The following ARPC3 variants were observed in gnomAD, a reference collection of about 807,000 sequenced individuals.
ARPC3 encodes the protein actin-related protein 2/3 complex subunit 3.
Under a neutral mutation model 27.6 loss-of-function variants are expected in ARPC3, and 12 were observed. The ratio of observed to expected loss-of-function variants is 0.43; its 90% confidence interval spans 0.28 to 0.70. The LOEUF (loss-of-function observed/expected upper bound fraction) is 0.70, where lower values mean the gene tolerates loss of function less well. Among genes scored for constraint, ARPC3 ranks in the 30% least tolerant of loss-of-function variants. The probability of loss-of-function intolerance (pLI) is 0.17; values close to 1 mark genes in which losing one functional copy is unlikely to be tolerated. For missense variants in ARPC3, 153 were observed against 207.7 expected (o/e 0.74, Z 1.62); for synonymous variants, 53 against 67.2 (o/e 0.79, Z 1.03).
At chr12:110,448,948 G>T (rs1055299933) in intron 1 of ARPC3, among the ~76,000 whole-genome samples, 10 of 151,716 alleles carry the variant, frequency 6.6e-5, no homozygotes, top group Admixed American at 5.9e-4. Context: ...GCTAATTTTT[G>T]TATTTTTAGT....
chr12:110,448,977 T>G (rs191249321), intron 1 of ARPC3, among the ~76,000 whole-genome samples: 204 of 151,844 alleles, frequency 1.3e-3, no homozygotes, highest in African/African-American at 4.4e-3. Context: ...GGTTTCACCA[T>G]GTTGGCCAGG....
intron 1 of ARPC3, among the ~76,000 whole-genome samples, chr12:110,447,721 C>T (rs1295111719): frequency 6.6e-6 from 1 of 151,864 alleles, no homozygotes; most frequent in Non-Finnish European, 1.5e-5. Context: ...TGCAGTGAGC[C>T]GAGATGGCAC....
chr12:110,437,266 C>G, intron 3 of ARPC3, 114 bp from the exon 4 acceptor site: 1 of 754,202 alleles, frequency 1.3e-6, no homozygotes, highest in Non-Finnish European at 2.4e-6. Context: ...GGTAGGACAG[C>G]CACTATCACA....
intron 6 of ARPC3, among the ~76,000 whole-genome samples, chr12:110,435,453 C>T (rs1420898919): frequency 2.0e-5 from 3 of 151,804 alleles, no homozygotes; most frequent in Non-Finnish European, 4.4e-5. Flanking sequence ...CCTTAGCCTC[C>T]CCAGTAGCTG....
intron 1 of ARPC3, among the ~76,000 whole-genome samples, chr12:110,447,796 CT>C (rs1426506653): frequency 2.0e-5 from 3 of 151,672 alleles, no homozygotes; most frequent in African/African-American, 7.3e-5. Flanking sequence ...AAACAAACCC[CT>C]CCCCCCAAAA....
intron 3 of ARPC3, among the ~76,000 whole-genome samples, chr12:110,438,060 T>C (rs1451664560): frequency 1.4e-5 from 2 of 147,930 alleles, no homozygotes; most frequent in South Asian, 2.2e-4. Flanking sequence ...CTTTGGGAGG[T>C]TGAGGTGGGT....
rs1269102801 is a variant in ARPC3 at position 110,434,957 on chromosome 12, G to A, written c.*198C>T. ...ATTCTTATTAAGCGCCAGCTTTAAT[G>A]CTGCAGAAAATTTCAAATCACCCTT... On this transcript the variant is annotated 3_prime_UTR_variant, in exon 7 of 7. Transcript: ENST00000228825. 5.6e-6 allele frequency: 4 copies of A among 710,258 alleles called. No individual in the cohort carries two copies. Among genetic ancestry groups the A allele is most frequent in the Non-Finnish European group, 1.0e-5 (4 of 381,868 alleles). The allele number at this position is 710,258 out of a possible 1,614,324, so 44.0% of individuals were successfully genotyped here. A position where few individuals can be genotyped will look rare whatever the true frequency, so the allele number is the denominator to read the frequency against.
chr12:110,436,431 A>C, intron 5 of ARPC3, 126 bp downstream of exon 5: 1 of 1,484,322 alleles, frequency 6.7e-7, no homozygotes, highest in East Asian at 2.3e-5. Context: ...CTAATAAGAT[A>C]ATGTACTTCC....
chr12:110,441,802 G>A (rs2062438981), intron 2 of ARPC3, among the ~76,000 whole-genome samples: 1 of 151,814 alleles, frequency 6.6e-6, no homozygotes, highest in Non-Finnish European at 1.5e-5. Flanking sequence ...AGGCCGAGAC[G>A]GGTGGATCAC....
At chr12:110,436,262 T>A in intron 5 of ARPC3, 58 bp from the exon 6 acceptor site, 4 of 1,391,340 alleles carry the variant, frequency 2.9e-6, no homozygotes, top group Non-Finnish European at 3.1e-6. Context: ...AATGTACTGG[T>A]TGCAGCTCTG....
chr12:110,445,703 G>A (rs2062460890), intron 1 of ARPC3, 152 bp from the exon 2 acceptor site: 1 of 676,074 alleles, frequency 1.5e-6, no homozygotes, highest in Non-Finnish European at 2.7e-6. Context: ...GCGAGGGCTG[G>A]TTCTTTCTGG....
intron 2 of ARPC3, 52 bp from the exon 3 acceptor site, chr12:110,440,440 C>CCTTTTT: frequency 2.5e-6 from 3 of 1,221,754 alleles, no homozygotes. Context: ...AAATACAAAA[C>CCTTTTT]ATAACAACTA....
At chr12:110,449,775 G>T (rs1024090840) in intron 1 of ARPC3, among the ~76,000 whole-genome samples, 30 of 152,146 alleles carry the variant, frequency 2.0e-4, no homozygotes, top group African/African-American at 7.0e-4. Context: ...GAGTCTGTGA[G>T]GGCCCTAAAC....
At chr12:110,436,407 G>A (rs1209365576) in intron 5 of ARPC3, 150 bp downstream of exon 5, 27 of 1,380,812 alleles carry the variant, frequency 2.0e-5, no homozygotes, top group East Asian at 6.9e-5. Context: ...GCCAAGAATC[G>A]TTTGTGAGAG....
At chr12:110,447,508 C>T (rs1360625071) in intron 1 of ARPC3, among the ~76,000 whole-genome samples, 2 of 152,174 alleles carry the variant, frequency 1.3e-5, no homozygotes, top group African/African-American at 4.8e-5. Context: ...GGCGGGGTGG[C>T]TCACGCCTGT....
chr12:110,439,536 G>T (rs2062424377), intron 3 of ARPC3, among the ~76,000 whole-genome samples: 2 of 152,006 alleles, frequency 1.3e-5, no homozygotes, highest in Non-Finnish European at 2.9e-5. Flanking sequence ...AGGAGGGGCT[G>T]AAATTCCATT....
intron 1 of ARPC3, among the ~76,000 whole-genome samples, chr12:110,449,508 G>A (rs2135507271): frequency 6.6e-6 from 1 of 152,250 alleles, no homozygotes; most frequent in East Asian, 1.9e-4. Context: ...GTTGTAGTGA[G>A]CCGAGATCGC....
At chr12:110,447,095 C>T (rs1020730891) in intron 1 of ARPC3, among the ~76,000 whole-genome samples, 1 of 152,140 alleles carries the variant, frequency 6.6e-6, no homozygotes. Flanking sequence ...GGTACCCAGC[C>T]CCCAGCTAAA....
At chr12:110,450,057 C>A (rs1216336261) in intron 1 of ARPC3, among the ~76,000 whole-genome samples, 198 bp downstream of exon 1, 5 of 152,188 alleles carry the variant, frequency 3.3e-5, no homozygotes, top group Non-Finnish European at 7.3e-5. Flanking sequence ...CCACTCCTGC[C>A]GCGCCCCCGC....
Sources: allele counts gnomAD v4.1 joint callset (sites outside exome capture counted in the v4.1 genomes callset), GRCh38; gene constraint gnomAD v4.1.1; transcripts MANE v1.5; gene names NCBI Gene and HGNC (gene_info 2026-07-23, HGNC 2026-07-21).